GTF2F2: variants seen among roughly 807,000 people sequenced by gnomAD.
The protein encoded by GTF2F2 is ATP-dependent helicase GTF2F2.
In GTF2F2, 23 loss-of-function variants were observed where a neutral mutation model predicts 42.2. That is an observed-to-expected ratio of 0.55 (90% CI 0.39 to 0.77). GTF2F2 has a LOEUF of 0.77. GTF2F2 is among the 30% of genes least tolerant of loss of function. GTF2F2 has a pLI of 0.00. For synonymous variants in GTF2F2, 105 were observed against 100.8 expected, an observed-to-expected ratio of 1.04 and a Z score of -0.25; for missense variants, 261 against 287.2, an observed-to-expected ratio of 0.91 and a Z score of 0.66.
intron 1 of GTF2F2, 32 bp downstream of exon 1, chr13:45,120,753 T>C (rs764019305): frequency 6.1e-6 from 9 of 1,474,170 alleles, no homozygotes; most frequent in Non-Finnish European, 7.4e-6. Context: ...CTTGCGCTCC[T>C]CCTAACACAA....
chr13:45,257,318 C>G (rs1566153316), intron 6 of GTF2F2, among the ~76,000 whole-genome samples: 1 of 152,024 alleles, frequency 6.6e-6, no homozygotes, highest in Non-Finnish European at 1.5e-5. Flanking sequence ...TTTTTTTTCC[C>G]TAAGTGGCAT....
intron 2 of GTF2F2, among the ~76,000 whole-genome samples, chr13:45,141,237 C>T (rs1869911899): frequency 6.6e-6 from 1 of 152,130 alleles, no homozygotes; most frequent in African/African-American, 2.4e-5. Context: ...TCTCAAGTAC[C>T]ACTTTGATCA....
chr13:45,165,371 AG>A (rs1871239688), intron 4 of GTF2F2, among the ~76,000 whole-genome samples: 1 of 147,840 alleles, frequency 6.8e-6, no homozygotes, highest in African/African-American at 2.5e-5. Context: ...TCTATCGCCC[AG>A]GCTAGAGTAT....
Position 45,153,095 on chromosome 13 carries a change from C to T in GTF2F2, c.304+1264C>T, listed in dbSNP as rs370312636. Among the ~76,000 whole-genome samples the T allele has an allele frequency of 6.5e-3, 989 of 151,322 alleles. 2 individuals carry two copies. The highest frequency in any genetic ancestry group is 1.0e-2 in the Non-Finnish European group (677 of 67,808). On this transcript the variant is annotated intron_variant, in intron 4 of 7. Coordinates refer to ENST00000340473, the MANE Select transcript of GTF2F2 (RefSeq NM_004128.3). ...AGAGATCTCGGCTCACTGCAAGCTC[C>T]GCCTACCGGGTTCACGCCATTCTCC...
At chr13:45,122,468 T>C (rs890265175) in intron 1 of GTF2F2, among the ~76,000 whole-genome samples, 10 of 146,704 alleles carry the variant, frequency 6.8e-5, no homozygotes, top group African/African-American at 2.7e-4. Context: ...ACCCCATCTC[T>C]ACTAAAAATA....
At chr13:45,171,069 CTTTT>C (rs908914894) in intron 4 of GTF2F2, among the ~76,000 whole-genome samples, 1 of 94,240 alleles carries the variant, frequency 1.1e-5, no homozygotes, top group East Asian at 2.9e-4. Context: ...AAAACCCTAT[CTTTT>C]TTTTTTTTTT....
At chr13:45,155,574 T>C (rs1435929433) in intron 4 of GTF2F2, among the ~76,000 whole-genome samples, 1 of 152,232 alleles carries the variant, frequency 6.6e-6, no homozygotes. Context: ...TAGAGGAGAC[T>C]AATGATTAAG....
intron 5 of GTF2F2, among the ~76,000 whole-genome samples, chr13:45,229,596 G>T (rs1874564506): frequency 6.6e-6 from 1 of 152,108 alleles, no homozygotes; most frequent in African/African-American, 2.4e-5. Context: ...TAGAGAGGTT[G>T]TGAAGAATCC....
intron 7 of GTF2F2, among the ~76,000 whole-genome samples, chr13:45,277,548 T>C (rs1337270243): frequency 6.6e-6 from 1 of 152,208 alleles, no homozygotes; most frequent in Admixed American, 6.5e-5. Flanking sequence ...GGATTACATT[T>C]CAATATGATA....
At chr13:45,188,336 C>G (rs1157639720) in intron 4 of GTF2F2, among the ~76,000 whole-genome samples, 1 of 152,110 alleles carries the variant, frequency 6.6e-6, no homozygotes, top group Non-Finnish European at 1.5e-5. Flanking sequence ...GAATGAAAAC[C>G]ATGCTTGCCT....
At chr13:45,241,184 A>ATATATATATATATATATAT (rs1875282292) in intron 5 of GTF2F2, among the ~76,000 whole-genome samples, 1 of 143,886 alleles carries the variant, frequency 6.9e-6, no homozygotes, top group African/African-American at 2.5e-5. Context: ...ATAAATATAA[A>ATATATATATATATATATAT]ATATATATAT....
intron 4 of GTF2F2, among the ~76,000 whole-genome samples, chr13:45,202,460 T>A (rs1873240532): frequency 6.6e-6 from 1 of 152,034 alleles, no homozygotes; most frequent in South Asian, 2.1e-4. Flanking sequence ...TGTGTGCAAG[T>A]ACATGTGTGT....
intron 4 of GTF2F2, among the ~76,000 whole-genome samples, chr13:45,174,929 T>C (rs116174449): frequency 1.1e-3 from 174 of 152,340 alleles, no homozygotes; most frequent in African/African-American, 4.0e-3. Flanking sequence ...ATCTGTCACC[T>C]CAAACATTTA....
intron 4 of GTF2F2, among the ~76,000 whole-genome samples, chr13:45,161,374 T>G (rs1365960094): frequency 6.6e-6 from 1 of 152,142 alleles, no homozygotes; most frequent in Admixed American, 6.5e-5. Flanking sequence ...GCTAATTTAG[T>G]GTGTGGTAGT....
At chr13:45,127,757 C>A (rs1393277424) in intron 1 of GTF2F2, among the ~76,000 whole-genome samples, 2 of 151,662 alleles carry the variant, frequency 1.3e-5, no homozygotes, top group Non-Finnish European at 2.9e-5. Flanking sequence ...CTCAGTCTCC[C>A]GAGTAGCTGG....
At position 45,248,953 on chromosome 13, in the gene GTF2F2, C is replaced by G. The variant is rs546164459; in HGVS notation, c.387-3918C>G. 1.0e-3 allele frequency among the ~76,000 whole-genome samples: 155 copies of G among 152,166 alleles called. 1 individual carries two copies. Among genetic ancestry groups the G allele is most frequent in the African/African-American group, 3.5e-3 (144 of 41,508 alleles). Reference sequence around the variant, plus strand: ...GTCAGGGTAGCCTTTTAGCTTGCTCCCAAGTCAGCCTAATACCTCTGTGTA... The same window carrying G: ...GTCAGGGTAGCCTTTTAGCTTGCTCGCAAGTCAGCCTAATACCTCTGTGTA... On this transcript the variant is annotated intron_variant, in intron 5 of 7. Transcript: ENST00000340473.
chr13:45,168,682 G>A (rs4454854), intron 4 of GTF2F2, among the ~76,000 whole-genome samples: 33,003 of 151,748 alleles, frequency 0.22, 3,862 homozygotes, highest in African/African-American at 0.27. Flanking sequence ...CCCCGATCTC[G>A]GTTCATGGCA....
At chr13:45,180,042 A>G (rs769366657) in intron 4 of GTF2F2, among the ~76,000 whole-genome samples, 1 of 152,108 alleles carries the variant, frequency 6.6e-6, no homozygotes, top group Non-Finnish European at 1.5e-5. Flanking sequence ...CTTTTTGACA[A>G]TCTATCAATT....
At chr13:45,143,869 A>G (rs1870053979) in intron 2 of GTF2F2, among the ~76,000 whole-genome samples, 1 of 152,210 alleles carries the variant, frequency 6.6e-6, no homozygotes, top group Non-Finnish European at 1.5e-5. Flanking sequence ...CATTTTTATC[A>G]AGCAATTTAT....
Sources: gnomAD v4.1 joint callset for allele counts (sites outside exome capture counted in the v4.1 genomes callset) on GRCh38, gnomAD v4.1.1 for gene constraint, MANE v1.5 for transcripts, NCBI Gene and HGNC (gene_info 2026-07-23, HGNC 2026-07-21) for gene names.